Variants in AMZ1 observed in about 807,000 individuals in gnomAD.
The protein encoded by AMZ1 is archaemetzincin-1.
A neutral mutation model predicts 29.9 loss-of-function variants in AMZ1; 39 were observed. The ratio of observed to expected loss-of-function variants is 1.30; its 90% CI spans 1.01 to 1.70. AMZ1 has a LOEUF of 1.70. Among genes scored for constraint, AMZ1 ranks in the 40% most tolerant of loss-of-function variants. AMZ1 has a pLI of 0.00. For missense variants in AMZ1, 1,041 were observed against 680.6 expected (o/e 1.53, Z -5.89); for synonymous variants, 458 against 304.0 (o/e 1.51, Z -5.27).
At chr7:2,723,219 C>T (rs758581968), downstream of AMZ1, among the ~76,000 whole-genome samples, 6 of 152,148 alleles carry the variant, frequency 3.9e-5, no homozygotes, top group Non-Finnish European at 7.3e-5. Flanking sequence ...TGTGTGGGGG[C>T]CCTGCTGCAG....
rs2115203404 is a variant in AMZ1, at chr7:2,714,661, C to T, written c.*1783C>T. On this transcript the variant is annotated 3_prime_UTR_variant, in exon 7 of 7. Transcript: ENST00000683327. ...AATCACCACAGTCTAGCTCATGAAT[C>T]TGTAACTTGGGCAGAGCTCGGTGGA... 6.6e-6 allele frequency: 1 copy of T among 152,362 alleles called. No homozygotes were observed. Among genetic ancestry groups the T allele is most frequent in the South Asian group, 2.1e-4 (1 of 4,826 alleles). 9.4% of individuals were successfully genotyped at this position (152,362 alleles called of 1,614,324 possible).
At chr7:2,680,709 C>T (rs536495919) in intron 1 of AMZ1, among the ~76,000 whole-genome samples, 2 of 152,366 alleles carry the variant, frequency 1.3e-5, no homozygotes, top group African/African-American at 2.4e-5. Context: ...TCAGCCTCCT[C>T]GTGCTGGCCA....
In AMZ1 at chr7:2,756,659, G is replaced by A. The variant is rs551588256; in HGVS notation, n.551-8053G>A. On this transcript the variant is annotated intron_variant and non_coding_transcript_variant, in intron 4 of 4. Transcript: ENST00000489665. ...TAGGAGAGGATCTGTGTGATCTTGG[G>A]TTAGGAAAAGATTTCTGTGCTGTCA... is the stretch of plus-strand genomic sequence containing the variant. Among the ~76,000 whole-genome samples the A allele has an allele frequency of 1.3e-4, 20 of 152,320 alleles. No homozygotes were observed. In the East Asian group the frequency reaches 3.7e-3, roughly 28 times the overall value.
chr7:2,744,521 G>C (rs972389484), intron 4 of AMZ1, among the ~76,000 whole-genome samples: 1 of 152,098 alleles, frequency 6.6e-6, no homozygotes, highest in African/African-American at 2.4e-5. Context: ...CCATCTGTAC[G>C]TCACCATCAT....
chr7:2,754,836 A>G (rs1791214647), intron 4 of AMZ1, among the ~76,000 whole-genome samples: 1 of 152,222 alleles, frequency 6.6e-6, no homozygotes, highest in Admixed American at 6.5e-5. Flanking sequence ...ACGGATCACT[A>G]GGGCGTCATG....
rs759880397 is a variant in AMZ1 at position 2,731,179 on chromosome 7, G to A, written n.550+21363G>A. The A allele has an allele frequency of 1.4e-5, 23 of 1,598,956 alleles. No homozygotes were observed. In the South Asian group the frequency reaches 1.4e-4, roughly 10 times the overall value. ...CGACGACAAACCCCGGGGCTTCCTC[G>A]CTCACTGCAGCATGATGTCCTTCAG... On this transcript the variant is annotated intron_variant and non_coding_transcript_variant, in intron 4 of 4. Transcript: ENST00000489665. This position sits in a 1 kb window ranked among gnomAD's most constrained non-coding sequence, Gnocchi z 6.0.
intron 1 of AMZ1, among the ~76,000 whole-genome samples, chr7:2,691,514 G>A (rs868342757): frequency 1.3e-5 from 2 of 148,572 alleles, no homozygotes; most frequent in African/African-American, 2.6e-5. Flanking sequence ...AGGCCGAGGC[G>A]GGTGGATCAC....
chr7:2,721,954 G>T (rs1199040595), downstream of AMZ1, among the ~76,000 whole-genome samples: 1 of 152,214 alleles, frequency 6.6e-6, no homozygotes, highest in Non-Finnish European at 1.5e-5. Flanking sequence ...CGTAAACCAA[G>T]TCCGGTCACG....
Position 2,712,550 on chromosome 7 carries a change from C to T in AMZ1, c.1169C>T (p.Ala390Val). 6.2e-7 allele frequency: 1 copy of T among 1,609,742 alleles called. No individual in the cohort carries two copies. Among genetic ancestry groups the T allele is most frequent in the Non-Finnish European group, 8.5e-7 (1 of 1,178,212 alleles). The change falls in exon 7 of 7, where the codon GCC (alanine) becomes GTC (valine). Residue 390 changes from alanine to valine, a missense_variant. Coordinates refer to ENST00000683327, the MANE Select transcript of AMZ1 (RefSeq NM_001384743.1). ...GAGGAAGGGCTGAGCTACCTGGCAG[C>T]CTCAGAGGCTCCGCTGCCACCTGGG... The part of the protein sequence containing the change: ...GPEEGLSYLA[A>V]SEAPLPPGGP...
At chr7:2,744,250 C>G (rs1790656095) in intron 4 of AMZ1, among the ~76,000 whole-genome samples, 1 of 152,218 alleles carries the variant, frequency 6.6e-6, no homozygotes, top group Non-Finnish European at 1.5e-5. Context: ...CCTGAGTAGC[C>G]TAACTGGGAG....
Position 2,700,539 on chromosome 7 carries a change from C to T in AMZ1, c.88C>T (p.Gln30Ter), listed in dbSNP as rs1311158998. ...ALVSTDAALQQLYVSAFSPAE... is the reference protein window; with the variant it reads ...ALVSTDAALQ ...GGTCTCCACTGACGCAGCCCTGCAG[C>T]AGCTGTATGTGTCCGCCTTCTCCCC... Residue 30 changes from glutamine to a stop codon, truncating the protein, a stop_gained, in exon 2 of 7, where the codon CAG becomes TAG. Transcript: ENST00000683327. LOFTEE classifies it high-confidence loss of function. The T allele has an allele frequency of 1.9e-6, 3 of 1,609,194 alleles. No individual in the cohort carries two copies. Among genetic ancestry groups the T allele is most frequent in the African/African-American group, 1.3e-5 (1 of 75,056 alleles).
rs1199519093 is a variant in AMZ1 at position 2,688,217 on chromosome 7, G to A, written c.-298G>A. On this transcript the variant is annotated 5_prime_UTR_variant, in exon 1 of 7. Transcript: ENST00000683327. ...GGGACCTCCCGATCCTCCCGGCCCA[G>A]GCCGAGCTGCCCACGCTGCTGCCCG... The A allele has an allele frequency of 6.6e-6, 1 of 152,182 alleles. No individual in the cohort carries two copies. Among genetic ancestry groups the A allele is most frequent in the Admixed American group, 6.5e-5 (1 of 15,270 alleles). The allele number at this position is 152,182 out of a possible 1,614,324, so 9.4% of individuals were successfully genotyped here.
Position 2,737,269 on chromosome 7 carries a change from GTTTTGTTTTTTTTTT to G in AMZ1, n.551-27423_551-27409del, listed in dbSNP as rs1465449955. 3.4e-4 allele frequency among the ~76,000 whole-genome samples: 13 copies of G among 38,124 alleles called. 1 individual carries two copies. The highest frequency in any genetic ancestry group is 2.3e-3 in the South Asian group (3 of 1,284). The allele number at this position is 38,124 out of a possible 152,430, so 25.0% of individuals were successfully genotyped here. ...CATTCAGGAGCTATCTCACAGTTTTGTTTTGTTTTTTTTTTTTTTGTTTTTTTTTTTTTTTTTGAG... is the reference window on the plus strand; with the variant it reads ...CATTCAGGAGCTATCTCACAGTTTTGTTTTGTTTTTTTTTTTTTTTTTGAG... On this transcript the variant is annotated intron_variant and non_coding_transcript_variant, in intron 4 of 4. Transcript: ENST00000489665.
chr7:2,706,705 C>T (rs1189615716), intron 3 of AMZ1, among the ~76,000 whole-genome samples: 1 of 152,226 alleles, frequency 6.6e-6, no homozygotes, highest in Non-Finnish European at 1.5e-5. Flanking sequence ...TCCTTCATGA[C>T]CTCATCTTAA....
chr7:2,700,622 C>G lies in AMZ1; in HGVS notation c.171C>G (p.Thr57=). ...ACCCGCAGAGGACGCTCTTCTGCAC[C>G]CTGCTCATCCGCACGGGCTTCGACT... ...AYNPQRTLFC[T]LLIRTGFDWL... Residue 57 remains threonine (T), a synonymous_variant, in exon 2 of 7, where the codon ACC becomes ACG. Transcript: ENST00000683327. 6.2e-7 allele frequency: 1 copy of G among 1,611,130 alleles called. No individual in the cohort carries two copies. The highest frequency in any genetic ancestry group is 1.1e-5 in the South Asian group (1 of 91,088).
At chr7:2,693,006 C>G (rs1349692522) in intron 1 of AMZ1, among the ~76,000 whole-genome samples, 1 of 152,198 alleles carries the variant, frequency 6.6e-6, no homozygotes, top group Non-Finnish European at 1.5e-5. Context: ...GCTCAGAGAT[C>G]CCACCTCAAT....
downstream of AMZ1, among the ~76,000 whole-genome samples, chr7:2,721,101 C>T (rs575752973): frequency 1.3e-5 from 2 of 152,190 alleles, no homozygotes; most frequent in South Asian, 4.1e-4. Flanking sequence ...GCAAAACGAC[C>T]GACTCTATTG....
intron 3 of AMZ1, among the ~76,000 whole-genome samples, chr7:2,704,477 G>A (rs969382204): frequency 7.0e-5 from 5 of 71,086 alleles, no homozygotes; most frequent in Admixed American, 1.3e-4. Flanking sequence ...AACAAGACCC[G>A]ATCATTAAAA....
Position 2,708,659 on chromosome 7 carries a change from G to C in AMZ1, c.544G>C (p.Asp182His). ...GTGTGTGCTGGGCCTCACACTGTCTGACCTGTACCCCCATGAGGCCTGGAG... is the reference window on the plus strand; with the variant it reads ...GTGTGTGCTGGGCCTCACACTGTCTCACCTGTACCCCCATGAGGCCTGGAG... ...ALCVLGLTLS[D>H]LYPHEAWSFT... Residue 182 changes from aspartate (D) to histidine (H), a missense_variant, in exon 4 of 7, where the codon GAC (aspartate) becomes CAC (histidine). Coordinates refer to ENST00000683327, the MANE Select transcript of AMZ1 (RefSeq NM_001384743.1). The C allele has an allele frequency of 6.2e-7, 1 of 1,613,206 alleles. No homozygotes were observed. Among genetic ancestry groups the C allele is most frequent in the Non-Finnish European group, 8.5e-7 (1 of 1,180,000 alleles).
Sources: allele counts gnomAD v4.1 joint callset (sites outside exome capture counted in the v4.1 genomes callset), GRCh38; gene constraint gnomAD v4.1.1; non-coding constraint Gnocchi (gnomAD v3.1); transcripts MANE v1.5; gene names NCBI Gene and HGNC (gene_info 2026-07-23, HGNC 2026-07-21).